CACNA2D3: variants seen among roughly 807,000 people sequenced by gnomAD.
CACNA2D3 encodes calcium voltage-gated channel auxiliary subunit alpha2delta 3, also known as voltage-dependent calcium channel subunit alpha-2/delta-3.
A neutral mutation model predicts 160.6 loss-of-function variants in CACNA2D3; 60 were observed. The ratio of observed to expected loss-of-function variants is 0.37; its 90% CI spans 0.30 to 0.46. The LOEUF (loss-of-function observed/expected upper bound fraction) is 0.46, where lower values mean the gene tolerates loss of function less well. CACNA2D3 is among the 20% of genes least tolerant of loss of function. The pLI, the probability that CACNA2D3 is intolerant of heterozygous loss-of-function variation, is 1.00. For synonymous variants in CACNA2D3, 558 were observed against 492.9 expected, an observed-to-expected ratio of 1.13 and a Z score of -1.75; for missense variants, 1,205 against 1,365.0, an observed-to-expected ratio of 0.88 and a Z score of 1.85.
chr3:54,883,825 T>TCTCTCTCTCTCTCTCTCTC (rs59265675), intron 21 of CACNA2D3, among the ~76,000 whole-genome samples: 1 of 144,320 alleles, frequency 6.9e-6, no homozygotes, highest in African/African-American at 2.6e-5. Context: ...CTCTCTCTCC[T>TCTCTCTCTCTCTCTCTCTC]CTCTCTCCCT....
At chr3:54,569,599 G>C (rs145217997) in intron 6 of CACNA2D3, among the ~76,000 whole-genome samples, 196 bp from the exon 7 acceptor site, 54 of 152,316 alleles carry the variant, frequency 3.5e-4, no homozygotes, top group Non-Finnish European at 6.9e-4. Context: ...CTGAGCTAGC[G>C]CTGTGTTTGC....
intron 13 of CACNA2D3, among the ~76,000 whole-genome samples, chr3:54,786,166 CTTA>C (rs760373064): frequency 6.6e-6 from 1 of 152,170 alleles, no homozygotes; most frequent in Non-Finnish European, 1.5e-5. Context: ...CTTAGCACAG[CTTA>C]TTATTATTAC....
At chr3:55,042,351 T>C (rs1267995586) in intron 35 of CACNA2D3, among the ~76,000 whole-genome samples, 13 of 152,170 alleles carry the variant, frequency 8.5e-5, no homozygotes. Context: ...ACATCTGGAA[T>C]TTTTATGTCT....
At chr3:54,407,545 T>G (rs528704805) in intron 4 of CACNA2D3, among the ~76,000 whole-genome samples, 1 of 152,274 alleles carries the variant, frequency 6.6e-6, no homozygotes, top group South Asian at 2.1e-4. Context: ...AAGGAATCCT[T>G]AAGTGTGATA....
intron 31 of CACNA2D3, among the ~76,000 whole-genome samples, chr3:55,004,516 G>T (rs1703047770): frequency 6.6e-6 from 1 of 152,192 alleles, no homozygotes; most frequent in African/African-American, 2.4e-5. Context: ...AGTTAGATGG[G>T]TCCTCATCCC....
chr3:54,273,753 C>T (rs1029667654), intron 2 of CACNA2D3, among the ~76,000 whole-genome samples: 1 of 152,212 alleles, frequency 6.6e-6, no homozygotes, highest in African/African-American at 2.4e-5. Context: ...TTTCTTACAC[C>T]TGTACTCAGT....
intron 24 of CACNA2D3, among the ~76,000 whole-genome samples, chr3:54,890,267 T>C (rs1700026245): frequency 6.6e-6 from 1 of 151,868 alleles, no homozygotes; most frequent in Non-Finnish European, 1.5e-5. Context: ...GAGGCCGAGG[T>C]GGGCAGATCA....
intron 29 of CACNA2D3, among the ~76,000 whole-genome samples, chr3:54,983,619 A>T (rs1702553219): frequency 6.6e-6 from 1 of 152,210 alleles, no homozygotes; most frequent in Non-Finnish European, 1.5e-5. Context: ...GATTCTGCAC[A>T]GTCACTGTCT....
intron 3 of CACNA2D3, among the ~76,000 whole-genome samples, chr3:54,325,011 G>A (rs759050619): frequency 7.2e-5 from 11 of 152,164 alleles, no homozygotes; most frequent in Non-Finnish European, 1.3e-4. Context: ...TTGAGGGGAG[G>A]GAGAAGGCAG....
At chr3:54,726,443 T>C (rs1464076159) in intron 11 of CACNA2D3, among the ~76,000 whole-genome samples, 1 of 152,094 alleles carries the variant, frequency 6.6e-6, no homozygotes, top group Non-Finnish European at 1.5e-5. Flanking sequence ...AAAAAGAGCC[T>C]ACATAGCCAA....
At chr3:54,509,926 T>A (rs1701433347) in intron 5 of CACNA2D3, among the ~76,000 whole-genome samples, 1 of 152,204 alleles carries the variant, frequency 6.6e-6, no homozygotes, top group African/African-American at 2.4e-5. Context: ...TGCAGAGATG[T>A]ATATGTGTGT....
rs757457486 is a variant in CACNA2D3 at position 54,627,828 on chromosome 3, T to A, written c.1005T>A (p.Ile335=). The A allele has an allele frequency of 6.2e-7, 1 of 1,610,728 alleles. No individual in the cohort carries two copies. The highest frequency in any genetic ancestry group is 8.5e-7 in the Non-Finnish European group (1 of 1,178,486). Residue 335 remains isoleucine (I), a synonymous_variant, in exon 10 of 38, where the codon ATT becomes ATA. Transcript: ENST00000474759. ...EHLDKLFAKG[I]GMLDIALNEA... The stretch of plus-strand genomic sequence containing the variant: ...TGGACAAACTTTTCGCCAAAGGAAT[T>A]GGAATGTTGGATATAGCTCTGAATG...
At chr3:54,571,394 T>C (rs761990357) in intron 8 of CACNA2D3, among the ~76,000 whole-genome samples, 2 of 152,174 alleles carry the variant, frequency 1.3e-5, no homozygotes, top group African/African-American at 4.8e-5. Flanking sequence ...GATTAAATTT[T>C]AAAAGAGCCT....
intron 11 of CACNA2D3, among the ~76,000 whole-genome samples, chr3:54,709,950 T>C (rs1700925729): frequency 6.6e-6 from 1 of 152,176 alleles, no homozygotes; most frequent in Non-Finnish European, 1.5e-5. Context: ...ATCAGTCGCC[T>C]ACCACCTGGT....
At chr3:54,214,766 G>T (rs1016213460) in intron 2 of CACNA2D3, among the ~76,000 whole-genome samples, 3 of 152,182 alleles carry the variant, frequency 2.0e-5, no homozygotes, top group Admixed American at 2.0e-4. Flanking sequence ...AGACCAAAAT[G>T]ACAACACTGG....
chr3:54,937,369 C>T (rs779163439), intron 27 of CACNA2D3, among the ~76,000 whole-genome samples: 5 of 152,126 alleles, frequency 3.3e-5, no homozygotes, highest in East Asian at 1.9e-4. Flanking sequence ...AGTTGTCCCT[C>T]GGTATATGAG....
chr3:54,931,606 A>G (rs1026841118), intron 27 of CACNA2D3, among the ~76,000 whole-genome samples: 1 of 152,154 alleles, frequency 6.6e-6, no homozygotes, highest in African/African-American at 2.4e-5. Context: ...TGGCCCCAAG[A>G]CCTGCCAGGA....
intron 34 of CACNA2D3, among the ~76,000 whole-genome samples, chr3:55,012,284 C>T (rs1020082717): frequency 6.6e-6 from 1 of 152,004 alleles, no homozygotes; most frequent in Non-Finnish European, 1.5e-5. Flanking sequence ...GGTGGGCGCT[C>T]ATGCTTTGGG....
chr3:54,940,950 A>G (rs1701450815), intron 27 of CACNA2D3, among the ~76,000 whole-genome samples: 1 of 152,198 alleles, frequency 6.6e-6, no homozygotes. Context: ...AACAAGACTA[A>G]CTTTGTCATT....
Sources: gnomAD v4.1 joint callset for allele counts (sites outside exome capture counted in the v4.1 genomes callset) on GRCh38, gnomAD v4.1.1 for gene constraint, MANE v1.5 for transcripts, NCBI Gene and HGNC (gene_info 2026-07-23, HGNC 2026-07-21) for gene names.